UBE2E3: variants seen among roughly 807,000 people sequenced by gnomAD.
UBE2E3 encodes ubiquitin conjugating enzyme E2 E3.
In UBE2E3, 5 loss-of-function variants were observed where a neutral mutation model predicts 23.6. The observed-to-expected ratio is 0.21, with a 90% CI of 0.11 to 0.44. The LOEUF is 0.44. Ranked by LOEUF, UBE2E3 falls within the 20% of genes least tolerant of loss-of-function variation. The probability of loss-of-function intolerance (pLI) is 0.99; values close to 1 mark genes in which losing one functional copy is unlikely to be tolerated. For synonymous variants in UBE2E3, 78 were observed against 87.5 expected, an observed-to-expected ratio of 0.89 and a Z score of 0.60; for missense variants, 81 against 249.8, an observed-to-expected ratio of 0.32 and a Z score of 4.55.
intron 3 of UBE2E3, among the ~76,000 whole-genome samples, chr2:181,034,786 C>G (rs1686215833): frequency 1.3e-5 from 2 of 152,044 alleles, no homozygotes; most frequent in African/African-American, 4.8e-5. Flanking sequence ...TATTTATATT[C>G]AGGTTTCTAA....
At chr2:180,996,303 A>T (rs1238858732) in intron 3 of UBE2E3, among the ~76,000 whole-genome samples, 1 of 152,112 alleles carries the variant, frequency 6.6e-6, no homozygotes, top group African/African-American at 2.4e-5. Flanking sequence ...CTTCCTTGTC[A>T]GTTGTCAGAG....
At chr2:180,990,640 A>T (rs1399025584) in intron 3 of UBE2E3, among the ~76,000 whole-genome samples, 1 of 152,226 alleles carries the variant, frequency 6.6e-6, no homozygotes, top group Non-Finnish European at 1.5e-5. Flanking sequence ...TGCTTACAGC[A>T]GTATTTTATT....
chr2:181,022,717 G>C (rs1685747679), intron 3 of UBE2E3, among the ~76,000 whole-genome samples: 2 of 151,492 alleles, frequency 1.3e-5, no homozygotes, highest in South Asian at 4.2e-4. Flanking sequence ...GTACTAAGTA[G>C]GCTGCAAAAA....
chr2:181,046,608 G>C (rs1686681054), intron 3 of UBE2E3, among the ~76,000 whole-genome samples: 1 of 152,100 alleles, frequency 6.6e-6, no homozygotes, highest in Non-Finnish European at 1.5e-5. Flanking sequence ...TTCAGTTTTG[G>C]ATGAGCCCTT....
At chr2:181,028,556 A>T (rs909856177) in intron 3 of UBE2E3, among the ~76,000 whole-genome samples, 1 of 152,078 alleles carries the variant, frequency 6.6e-6, no homozygotes, top group Non-Finnish European at 1.5e-5. Context: ...AGGTTTATCA[A>T]CTCTGACAAT....
At position 181,041,543 on chromosome 2, in the gene UBE2E3, A is replaced by G. The variant is rs1352893527; in HGVS notation, c.246-16150A>G. 6.6e-5 allele frequency among the ~76,000 whole-genome samples: 10 copies of G among 151,800 alleles called. No homozygotes were observed. The East Asian group carries it at 1.7e-3, about 27-fold the overall frequency. ...AACCTCTGCCTCCCAGGTCCAAGCA[A>G]TTCTCCTGCCTCAGCCTCCCCAGTA... On this transcript the variant is annotated intron_variant, in intron 3 of 5. Transcript: ENST00000410062.
intron 3 of UBE2E3, among the ~76,000 whole-genome samples, chr2:181,038,095 G>A (rs188805256): frequency 7.0e-4 from 107 of 152,212 alleles, no homozygotes; most frequent in South Asian, 3.3e-3. Flanking sequence ...TACATCCTAC[G>A]CCTTCACTAC....
intron 1 of UBE2E3, chr2:180,981,617 A>G (rs1305725919): frequency 6.4e-6 from 1 of 155,260 alleles, no homozygotes; most frequent in Non-Finnish European, 1.4e-5. Flanking sequence ...AGCTTTGACC[A>G]ATGTCAGTGT....
intron 3 of UBE2E3, among the ~76,000 whole-genome samples, chr2:180,990,489 ATTC>A (rs1684623416): frequency 6.6e-6 from 1 of 152,092 alleles, no homozygotes; most frequent in African/African-American, 2.4e-5. Context: ...TCCTCAGCTG[ATTC>A]TTCACTTCCT....
chr2:181,039,123 CTTTTTTTTTTTTT>C (rs11289425), intron 3 of UBE2E3, among the ~76,000 whole-genome samples: 4 of 66,258 alleles, frequency 6.0e-5, no homozygotes, highest in African/African-American at 2.4e-4. Context: ...AGAATGTGAC[CTTTTTTTTTTTTT>C]TTTTTTTTTT....
chr2:181,048,873 G>T (rs1686747173), intron 3 of UBE2E3, among the ~76,000 whole-genome samples: 1 of 152,050 alleles, frequency 6.6e-6, no homozygotes, highest in African/African-American at 2.4e-5. Context: ...TGCCCATTTA[G>T]CATTTGATGT....
At chr2:181,058,943 G>A (rs1024544175) in intron 4 of UBE2E3, among the ~76,000 whole-genome samples, 4 of 151,706 alleles carry the variant, frequency 2.6e-5, no homozygotes, top group Non-Finnish European at 5.9e-5. Context: ...TGCATATGGG[G>A]AAGATTAATT....
Position 181,057,802 on chromosome 2 carries a change from G to C in UBE2E3, c.355G>C (p.Asp119His). The change falls in exon 4 of 6, where the codon GAT becomes CAT. Residue 119 changes from aspartate (D) to histidine (H), a missense_variant. Coordinates refer to ENST00000410062, the MANE Select transcript of UBE2E3 (RefSeq NM_006357.4). The stretch of plus-strand genomic sequence containing the variant: ...TTTTCTGGATATCACATTTTCATCA[G>C]ATTATCCATTTAAGCCACCAAAGGT... ...VFFLDITFSSDYPFKPPKVTF... is the reference protein window; with the variant it reads ...VFFLDITFSSHYPFKPPKVTF... The C allele has an allele frequency of 6.2e-7, 1 of 1,611,268 alleles. No homozygotes were observed. The highest frequency in any genetic ancestry group is 8.5e-7 in the Non-Finnish European group (1 of 1,178,334).
chr2:181,004,794 A>AAT (rs1297703725), intron 3 of UBE2E3, among the ~76,000 whole-genome samples: 60 of 152,286 alleles, frequency 3.9e-4, no homozygotes, highest in African/African-American at 9.6e-4. Flanking sequence ...TGAAAAAAGT[A>AAT]ATATATATAT....
At chr2:181,038,363 G>A (rs1686365734) in intron 3 of UBE2E3, among the ~76,000 whole-genome samples, 1 of 152,176 alleles carries the variant, frequency 6.6e-6, no homozygotes, top group African/African-American at 2.4e-5. Flanking sequence ...CTAGCTTTGT[G>A]TAAATACGCT....
At chr2:181,023,915 A>G (rs138548053) in intron 3 of UBE2E3, among the ~76,000 whole-genome samples, 1 of 152,136 alleles carries the variant, frequency 6.6e-6, no homozygotes, top group African/African-American at 2.4e-5. Flanking sequence ...TATTATTATT[A>G]TCCTTAATTT....
intron 3 of UBE2E3, among the ~76,000 whole-genome samples, chr2:181,035,668 A>C (rs1405369393): frequency 6.6e-6 from 1 of 152,162 alleles, no homozygotes; most frequent in Non-Finnish European, 1.5e-5. Flanking sequence ...ACTTCCTTGA[A>C]ACATTATTAG....
chr2:180,995,368 ATAGTAC>A (rs1175881551), intron 3 of UBE2E3, among the ~76,000 whole-genome samples: 2 of 152,200 alleles, frequency 1.3e-5, no homozygotes, highest in Non-Finnish European at 2.9e-5. Context: ...TAAATACAGT[ATAGTAC>A]TGTAAATGTA....
chr2:180,982,785 GTTAAA>G (rs1684343552), intron 2 of UBE2E3, among the ~76,000 whole-genome samples: 1 of 152,122 alleles, frequency 6.6e-6, no homozygotes, highest in Non-Finnish European at 1.5e-5. Flanking sequence ...AACTTTCCTG[GTTAAA>G]TTATGATTAT....
Sources: allele counts gnomAD v4.1 joint callset (sites outside exome capture counted in the v4.1 genomes callset), GRCh38; gene constraint gnomAD v4.1.1; transcripts MANE v1.5; gene names NCBI Gene and HGNC (gene_info 2026-07-23, HGNC 2026-07-21).